TRAPPC8: variants seen among roughly 807,000 people sequenced by gnomAD.
TRAPPC8 encodes general sporulation gene 1 homolog.
TRAPPC8 carries 54 observed loss-of-function variants against 174.3 expected under a neutral mutation model. That is an observed-to-expected ratio of 0.31 (90% CI 0.25 to 0.39). The LOEUF is 0.39. Ranked by LOEUF, TRAPPC8 falls within the 10% of genes least tolerant of loss-of-function variation. TRAPPC8 has a pLI of 1.00. For missense variants in TRAPPC8, 1,531 were observed against 1,699.1 expected (o/e 0.90, Z 1.74); for synonymous variants, 630 against 579.9 (o/e 1.09, Z -1.24).
rs2036788166 is a variant in TRAPPC8 at position 31,908,960 on chromosome 18, T to C, written c.916A>G (p.Ser306Gly). The change falls in exon 7 of 29, where the codon AGT becomes GGT. Residue 306 changes from serine (S) to glycine (G), a missense_variant. Physicochemically the swap from Ser to Gly is moderately conservative, Grantham distance 56. Transcript: ENST00000283351. ...RAHPLQLEQS[S>G]DPSNSIDGPD... ...CCATCAATACTGTTAGAAGGGTCAC[T>C]GGATTGCTCCAACTGAAGTGGGTGA... 1.2e-6 allele frequency: 2 copies of C among 1,613,110 alleles called. No individual in the cohort carries two copies. Among genetic ancestry groups the C allele is most frequent in the Non-Finnish European group, 1.7e-6 (2 of 1,179,446 alleles).
At position 31,855,651 on chromosome 18, in the gene TRAPPC8, C is replaced by T. The variant is rs368159672; in HGVS notation, c.3336+9G>A. On this transcript the variant is annotated intron_variant, in intron 21 of 28. Transcript: ENST00000283351. ...ATTAAAAACAAAATTCAGTTTTAAA[C>T]CAACTTACAGTATTGGTATTTTCCA... 25 of 1,579,354 alleles carry T rather than the reference C, an allele frequency of 1.6e-5. No individual in the cohort carries two copies. In the African/African-American group the frequency reaches 3.3e-4, roughly 21 times the overall value.
At position 31,916,290 on chromosome 18, in the gene TRAPPC8, C is replaced by T. The variant is rs762413235; in HGVS notation, c.599G>A (p.Ser200Asn). The T allele has an allele frequency of 1.3e-6, 2 of 1,568,004 alleles. No homozygotes were observed. Among genetic ancestry groups the T allele is most frequent in the Non-Finnish European group, 1.7e-6 (2 of 1,160,566 alleles). ...LKYYVLLHDV[S>N]AGDEQRAESI... ...AACTTACCTCTGTTCATCTCCTGCA[C>T]TTACATCATGTAAAAGTACATAGTA... Residue 200 changes from serine to asparagine, a missense_variant, in exon 4 of 29, where the codon AGT becomes AAT. Ser to Asn is a conservative substitution (Grantham distance 46). Coordinates refer to ENST00000283351, the MANE Select transcript of TRAPPC8 (RefSeq NM_014939.5).
chr18:31,854,218 A>G (rs2145075429), intron 21 of TRAPPC8, among the ~76,000 whole-genome samples: 1 of 152,308 alleles, frequency 6.6e-6, no homozygotes, highest in Non-Finnish European at 1.5e-5. Flanking sequence ...GCCTATCACA[A>G]TGAGCTATTG....
chr18:31,864,006 TTATAA>T (rs1305429432), intron 19 of TRAPPC8, among the ~76,000 whole-genome samples: 4 of 147,428 alleles, frequency 2.7e-5, no homozygotes, highest in East Asian at 3.9e-4. Context: ...TAATACTTTA[TTATAA>T]TATGTTATTA....
intron 20 of TRAPPC8, 98 bp downstream of exon 20, chr18:31,857,441 TA>T: frequency 9.8e-7 from 1 of 1,016,430 alleles, no homozygotes; most frequent in East Asian, 2.7e-5. Context: ...TGGAACAGAG[TA>T]ATTTCTTAAC....
At chr18:31,902,825 G>A (rs183042820) in intron 9 of TRAPPC8, among the ~76,000 whole-genome samples, 6 of 152,122 alleles carry the variant, frequency 3.9e-5, no homozygotes, top group East Asian at 3.9e-4. Flanking sequence ...CGAGGCGGGC[G>A]GATCACGATG....
rs527479367 is a variant in TRAPPC8 at position 31,940,441 on chromosome 18, G to A, written c.157+2167C>T. ...GATCGCGCCACTGCACTCCCAGCCT[G>A]GGCAACAGGGCAAGACTCCATCTCC... is the stretch of plus-strand genomic sequence containing the variant. On this transcript the variant is annotated intron_variant, in intron 1 of 28. Transcript: ENST00000283351. Among the ~76,000 whole-genome samples, 10 of 152,232 alleles carry A rather than the reference G, an allele frequency of 6.6e-5. No homozygotes were observed. The South Asian group carries it at 1.7e-3, about 25-fold the overall frequency.
intron 27 of TRAPPC8, among the ~76,000 whole-genome samples, chr18:31,836,582 T>C (rs1415641687): frequency 6.6e-6 from 1 of 152,084 alleles, no homozygotes; most frequent in African/African-American, 2.4e-5. Flanking sequence ...AGAATCAAAA[T>C]TGTTCATAGA....
chr18:31,919,588 ATAAAAT>A (rs1399239476), intron 2 of TRAPPC8, among the ~76,000 whole-genome samples: 56 of 64,102 alleles, frequency 8.7e-4, no homozygotes, highest in Admixed American at 4.4e-3. Flanking sequence ...AAATAAATAA[ATAAAAT>A]AATAATAATC....
At chr18:31,873,596 G>A in intron 13 of TRAPPC8, 58 bp from the exon 14 acceptor site, 2 of 1,206,912 alleles carry the variant, frequency 1.7e-6, no homozygotes, top group Non-Finnish European at 2.4e-6. Flanking sequence ...ATTTTTATTT[G>A]TTTCCTCGTT....
chr18:31,830,682 A>G lies in TRAPPC8; in HGVS notation c.*73T>C, dbSNP rs1202011153. 3 of 1,246,920 alleles carry G rather than the reference A, an allele frequency of 2.4e-6. No individual in the cohort carries two copies. The highest frequency in any genetic ancestry group is 2.5e-5 in the East Asian group (1 of 40,166). The allele number at this position is 1,246,920 out of a possible 1,614,324, so 77.2% of individuals were successfully genotyped here. Reference sequence around the variant, plus strand: ...AATCAACCTCCATAACAAGTTAGGTATATCAAATACTGCTGTAAAACCCAT... The same window carrying G: ...AATCAACCTCCATAACAAGTTAGGTGTATCAAATACTGCTGTAAAACCCAT... On this transcript the variant is annotated 3_prime_UTR_variant, in exon 29 of 29. Transcript: ENST00000283351.
chr18:31,888,736 T>G (rs965605688), intron 12 of TRAPPC8, among the ~76,000 whole-genome samples: 2 of 151,964 alleles, frequency 1.3e-5, no homozygotes, highest in African/African-American at 4.8e-5. Flanking sequence ...ATGGACACAG[T>G]CCAACACACA....
chr18:31,872,092 G>A (rs1255982993), intron 14 of TRAPPC8, among the ~76,000 whole-genome samples: 2 of 151,990 alleles, frequency 1.3e-5, no homozygotes, highest in Non-Finnish European at 2.9e-5. Flanking sequence ...AGTATACATT[G>A]TACCCATAAG....
chr18:31,892,302 A>G (rs902340796), intron 11 of TRAPPC8, among the ~76,000 whole-genome samples: 2 of 152,106 alleles, frequency 1.3e-5, no homozygotes, highest in Non-Finnish European at 2.9e-5. Context: ...ATACATATGC[A>G]TTTTTAAAAA....
intron 2 of TRAPPC8, among the ~76,000 whole-genome samples, chr18:31,924,408 C>T (rs1394439509): frequency 6.6e-6 from 1 of 150,598 alleles, no homozygotes; most frequent in Admixed American, 6.7e-5. Flanking sequence ...GAGCCAAGAT[C>T]GCGCTAGTGC....
intron 11 of TRAPPC8, chr18:31,895,681 C>A (rs1266787555): frequency 6.6e-6 from 1 of 152,070 alleles, no homozygotes; most frequent in Non-Finnish European, 1.5e-5. Flanking sequence ...GCTCCTGAAC[C>A]ATAAATTCTT....
chr18:31,849,706 A>G lies in TRAPPC8; in HGVS notation c.3595T>C (p.Phe1199Leu). The change falls in exon 25 of 29, where the codon TTT becomes CTT. Residue 1199 changes from phenylalanine to leucine, a missense_variant. By Grantham distance (22) the Phe-to-Leu change is conservative (BLOSUM62 0). Transcript: ENST00000283351. ...ISSASPCADFFYRSLSSELKK... is the reference protein window; with the variant it reads ...ISSASPCADFLYRSLSSELKK... ...AATTCAGAAGATAAACTTCGATAAAAGAAGTCTGCACATGGGCTTGCTGAA... is the reference window on the plus strand; with the variant it reads ...AATTCAGAAGATAAACTTCGATAAAGGAAGTCTGCACATGGGCTTGCTGAA... 1 of 1,610,834 alleles carries G rather than the reference A, an allele frequency of 6.2e-7. No individual in the cohort carries two copies. The highest frequency in any genetic ancestry group is 1.1e-5 in the South Asian group (1 of 90,544).
At chr18:31,914,440 G>A (rs921436069) in intron 4 of TRAPPC8, among the ~76,000 whole-genome samples, 4 of 152,126 alleles carry the variant, frequency 2.6e-5, no homozygotes, top group Non-Finnish European at 4.4e-5. Flanking sequence ...AAATATCCTA[G>A]TTACAACCAT....
intron 1 of TRAPPC8, among the ~76,000 whole-genome samples, chr18:31,933,020 A>AAAAAAAAAAAAAAAAAAAAAAG (rs1568153937): frequency 1.6e-5 from 2 of 128,876 alleles, no homozygotes; most frequent in African/African-American, 6.1e-5. Flanking sequence ...AAAAAAAAAA[A>AAAAAAAAAAAAAAAAAAAAAAG]GCCGGGCGCA....
Sources: gnomAD v4.1 joint callset for allele counts (sites outside exome capture counted in the v4.1 genomes callset) on GRCh38, gnomAD v4.1.1 for gene constraint, MANE v1.5 for transcripts, NCBI Gene and HGNC (gene_info 2026-07-23, HGNC 2026-07-21) for gene names.